HEATR9: variants seen among roughly 807,000 people sequenced by gnomAD.
HEATR9 encodes HEAT repeat containing 9, also known as protein HEATR9.
HEATR9 carries 54 observed loss-of-function variants against 68.2 expected under a neutral mutation model. That is an observed-to-expected ratio of 0.79 (90% CI 0.64 to 0.99). The LOEUF is 0.99. Among genes scored for constraint, HEATR9 ranks in the 50% least tolerant of loss-of-function variants. The pLI, the probability that HEATR9 is intolerant of heterozygous loss-of-function variation, is 0.00. For synonymous variants in HEATR9, 241 were observed against 253.5 expected (o/e 0.95, Z 0.47); for missense variants, 662 against 679.7 (o/e 0.97, Z 0.29).
rs749141501 is a variant in HEATR9, at chr17:35,855,197, TG to T, written c.1578del (p.Val528Ter). 1 of 1,614,126 alleles carries T rather than the reference TG, an allele frequency of 6.2e-7. No individual in the cohort carries two copies. The highest frequency in any genetic ancestry group is 1.1e-5 in the South Asian group (1 of 91,074). On this transcript the variant is annotated frameshift_variant, in exon 15 of 15. Transcript: ENST00000604834. LOFTEE classifies it low-confidence loss of function (END_TRUNC). ...GCAGGCGTTTTCTTTTGGCCTACTT[TG>T]GTGATGGACTTTGCAATAAACAAGG... is the stretch of plus-strand genomic sequence containing the variant. ...LNPLFIAKSITKVGQKKTPAF... is the reference protein window; with the variant it reads ...LNPLFIAKSIXKVGQKKTPAF...
chr17:35,855,613 T>C, intron 14 of HEATR9, 51 bp downstream of exon 14: 1 of 1,553,086 alleles, frequency 6.4e-7, no homozygotes, highest in Non-Finnish European at 8.9e-7. Flanking sequence ...TGGGAGAAGC[T>C]TGAAGGAGGG....
Position 35,862,990 on chromosome 17 carries a change from A to G in HEATR9, c.756+5T>C, listed in dbSNP as rs2088051131. 6.2e-7 allele frequency: 1 copy of G among 1,614,006 alleles called. No homozygotes were observed. The highest frequency in any genetic ancestry group is 1.1e-5 in the South Asian group (1 of 91,070). Reference sequence around the variant, plus strand: ...CCCCCAATTAAAGACTGTCCTCCCAATCACCTTGTCTTTAGAGACAGCAGC... The same window carrying G: ...CCCCCAATTAAAGACTGTCCTCCCAGTCACCTTGTCTTTAGAGACAGCAGC... On this transcript the variant is annotated splice_donor_5th_base_variant and intron_variant, in intron 8 of 14. Coordinates refer to ENST00000604834, the MANE Select transcript of HEATR9 (RefSeq NM_152781.4).
At chr17:35,857,732 C>CT in intron 11 of HEATR9, among the ~76,000 whole-genome samples, 2 of 151,848 alleles carry the variant, frequency 1.3e-5, no homozygotes, top group South Asian at 4.2e-4. Flanking sequence ...GCACTCCAGC[C>CT]TGGGCAACAG....
chr17:35,856,938 G>A (rs2087797050), intron 11 of HEATR9, 133 bp from the exon 12 acceptor site: 1 of 793,328 alleles, frequency 1.3e-6, no homozygotes, highest in Admixed American at 2.1e-5. Context: ...ATAGTCTGGT[G>A]GAGGAAGCAG....
In HEATR9 at chr17:35,866,776, G is replaced by A; in HGVS notation, c.89-3C>T. 1 of 1,613,802 alleles carries A rather than the reference G, an allele frequency of 6.2e-7. No individual in the cohort carries two copies. Among genetic ancestry groups the A allele is most frequent in the Non-Finnish European group, 8.5e-7 (1 of 1,179,746 alleles). On this transcript the variant is annotated splice_polypyrimidine_tract_variant and splice_region_variant and intron_variant, in intron 1 of 14. Transcript: ENST00000604834. ...AGGAGCCATGGCTTTTCTGAGTTCT[G>A]GCAAGAGGGATAAGAGTATGTGTGT...
Position 35,864,274 on chromosome 17 carries a change from T to G in HEATR9, c.539A>C (p.Lys180Thr). ...QALGCLRISD[K>T]FVMEALQQVA... The stretch of plus-strand genomic sequence containing the variant: ...CTGCTGTAGTGCCTCCATGACAAAC[T>G]TGTCACTGATGCGTAAGCATCCCAG... The change falls in exon 6 of 15, where the codon AAG (lysine) becomes ACG (threonine). Residue 180 changes from lysine to threonine, a missense_variant. Lys to Thr is a moderately conservative substitution (Grantham distance 78). Transcript: ENST00000604834. The G allele has an allele frequency of 6.2e-7, 1 of 1,613,158 alleles. No individual in the cohort carries two copies. The highest frequency in any genetic ancestry group is 8.5e-7 in the Non-Finnish European group (1 of 1,179,158).
chr17:35,868,877 T>G lies in HEATR9; in HGVS notation c.-135A>C, dbSNP rs560049919. On this transcript the variant is annotated 5_prime_UTR_variant, in exon 1 of 15. Transcript: ENST00000604834. ...GGGGAGGTGTCTGGACTTCTGGAGG[T>G]AGAAGCTTCCAAGTGCTAAGCGACC... The G allele has an allele frequency of 1.4e-6, 1 of 710,752 alleles. No homozygotes were observed. The highest frequency in any genetic ancestry group is 2.7e-5 in the East Asian group (1 of 37,536). The allele number at this position is 710,752 out of a possible 1,614,324, so 44.0% of individuals were successfully genotyped here. A position where few individuals can be genotyped will look rare whatever the true frequency, so the allele number is the denominator to read the frequency against.
intron 1 of HEATR9, among the ~76,000 whole-genome samples, chr17:35,867,428 CAAAAAAAAA>C (rs11315915): frequency 1.2e-4 from 5 of 40,086 alleles, no homozygotes; most frequent in Admixed American, 4.2e-4. Context: ...GAGCAAGACT[CAAAAAAAAA>C]AAAAAAAAAA....
At chr17:35,856,349 C>T in intron 12 of HEATR9, 125 bp from the exon 13 acceptor site, 1 of 1,603,304 alleles carries the variant, frequency 6.2e-7, no homozygotes, top group Middle Eastern at 1.7e-4. Context: ...TCATTTCCTT[C>T]TCTTGTTTCT....
rs2143942449 is a variant in HEATR9, at chr17:35,862,950, C to A, written c.756+45G>T. 3.7e-6 allele frequency: 6 copies of A among 1,613,808 alleles called. No individual in the cohort carries two copies. In the East Asian group the frequency reaches 1.3e-4, roughly 36 times the overall value. On this transcript the variant is annotated intron_variant, in intron 8 of 14. Transcript: ENST00000604834. ...AACCCCAAGCTAAACCTATCAATTACCTTGTCCAGCTTTGCCCCCAATTAA... is the reference window on the plus strand; with the variant it reads ...AACCCCAAGCTAAACCTATCAATTAACTTGTCCAGCTTTGCCCCCAATTAA...
In HEATR9 at chr17:35,865,378, G is replaced by A. The variant is rs775177304; in HGVS notation, c.157C>T (p.Pro53Ser). ...TGCCTCCAGCACTCTGGACTTGGGG[G>A]AAACTCTTCCTTTGGCATCTGGGGG... is the stretch of plus-strand genomic sequence containing the variant. ...SCYQMPKEEF[P>S]PSPECWRQHP... Residue 53 changes from proline (P) to serine (S), a missense_variant, in exon 3 of 15, where the codon CCC becomes TCC. By Grantham distance (74) the Pro-to-Ser change is moderately conservative. Transcript: ENST00000604834. 4 of 1,613,322 alleles carry A rather than the reference G, an allele frequency of 2.5e-6. No individual in the cohort carries two copies. Among genetic ancestry groups the A allele is most frequent in the Non-Finnish European group, 3.4e-6 (4 of 1,179,950 alleles).
intron 13 of HEATR9, among the ~76,000 whole-genome samples, chr17:35,855,964 C>G (rs1055134369): frequency 5.3e-5 from 8 of 152,152 alleles, no homozygotes; most frequent in Non-Finnish European, 1.0e-4. Context: ...ATTTCTGCAG[C>G]ATCTAAGCAA....
At chr17:35,866,447 A>G (rs1458772445) in intron 2 of HEATR9, among the ~76,000 whole-genome samples, 1 of 152,210 alleles carries the variant, frequency 6.6e-6, no homozygotes, top group Non-Finnish European at 1.5e-5. Flanking sequence ...GTTAACTAAT[A>G]AAAATGACTT....
Position 35,855,769 on chromosome 17 carries a change from G to C in HEATR9, c.1279-19C>G. On this transcript the variant is annotated intron_variant, in intron 13 of 14. Transcript: ENST00000604834. ...GGACACCCTGGCAGAGGCAGAGTGA[G>C]AGTGCCTATGTAGCCAGCCCCAGGA... The C allele has an allele frequency of 1.9e-6, 3 of 1,604,260 alleles. No homozygotes were observed. In the South Asian group the frequency reaches 3.3e-5, roughly 18 times the overall value.
At chr17:35,861,502 A>G (rs2087991623) in intron 8 of HEATR9, 2 of 1,146,924 alleles carry the variant, frequency 1.7e-6, no homozygotes, top group African/African-American at 1.5e-5. Flanking sequence ...GTCGTTGCGG[A>G]CAAACATCAT....
At chr17:35,868,616 C>T in intron 1 of HEATR9, 39 bp downstream of exon 1, 1 of 1,613,432 alleles carries the variant, frequency 6.2e-7, no homozygotes, top group Non-Finnish European at 8.5e-7. Context: ...TTTTTCAGTC[C>T]CCTGCTCTTG....
chr17:35,857,628 G>A (rs1197997228), intron 11 of HEATR9, among the ~76,000 whole-genome samples: 4 of 151,894 alleles, frequency 2.6e-5, no homozygotes, highest in Non-Finnish European at 4.4e-5. Context: ...GCGTGGTTGC[G>A]GGCGCCTGTA....
chr17:35,865,347 G>T lies in HEATR9; in HGVS notation c.188C>A (p.Pro63Gln), dbSNP rs141724302. ...PPSPECWRQHPSKPNSVPYCY... is the reference protein window; with the variant it reads ...PPSPECWRQHQSKPNSVPYCY... Reference sequence around the variant, plus strand: ...GTACGGGACTGAGTTTGGCTTGCTCGGATGCTGCCTCCAGCACTCTGGACT... The same window carrying T: ...GTACGGGACTGAGTTTGGCTTGCTCTGATGCTGCCTCCAGCACTCTGGACT... Residue 63 changes from proline to glutamine, a missense_variant, in exon 3 of 15, where the codon CCG becomes CAG. By Grantham distance (76) the Pro-to-Gln change is moderately conservative (BLOSUM62 -1). Coordinates refer to ENST00000604834, the MANE Select transcript of HEATR9 (RefSeq NM_152781.4). 6.2e-7 allele frequency: 1 copy of T among 1,613,686 alleles called. No individual in the cohort carries two copies. The highest frequency in any genetic ancestry group is 1.3e-5 in the African/African-American group (1 of 74,838).
rs1368984709 is a variant in HEATR9, at chr17:35,861,230, A to G, written c.756+1765T>C. On this transcript the variant is annotated intron_variant, in intron 8 of 14. Transcript: ENST00000604834. ...ACTTTCTGTAGCTCTTTATTTTTCTACAATCTGTTCGTTATAAATTTAGCT... is the reference window on the plus strand; with the variant it reads ...ACTTTCTGTAGCTCTTTATTTTTCTGCAATCTGTTCGTTATAAATTTAGCT... 3 of 1,577,464 alleles carry G rather than the reference A, an allele frequency of 1.9e-6. No individual in the cohort carries two copies. In the African/African-American group the frequency reaches 4.0e-5, roughly 21 times the overall value.
Sources: gnomAD v4.1 joint callset for allele counts (sites outside exome capture counted in the v4.1 genomes callset) on GRCh38, gnomAD v4.1.1 for gene constraint, MANE v1.5 for transcripts, NCBI Gene and HGNC (gene_info 2026-07-23, HGNC 2026-07-21) for gene names.